The following PTGER3 variants were observed in gnomAD, a reference collection of about 807,000 sequenced individuals.
PTGER3 encodes the protein prostaglandin E receptor 3.
Under a neutral mutation model 34.7 loss-of-function variants are expected in PTGER3, and 22 were observed. That is an observed-to-expected ratio of 0.63 (90% CI 0.45 to 0.91). The LOEUF is 0.91. PTGER3 is among the 40% of genes least tolerant of loss of function. PTGER3 has a pLI of 0.00. For synonymous variants in PTGER3, 241 were observed against 230.1 expected, an observed-to-expected ratio of 1.05 and a Z score of -0.43; for missense variants, 468 against 519.4, an observed-to-expected ratio of 0.90 and a Z score of 0.96.
chr1:71,014,938 T>G (rs1657761487), intron 1 of PTGER3, among the ~76,000 whole-genome samples: 1 of 152,186 alleles, frequency 6.6e-6, no homozygotes, highest in Admixed American at 6.6e-5. Context: ...GAACAGAAAT[T>G]TAACTCTGGT....
chr1:70,901,308 G>C (rs1646834031), intron 4 of PTGER3, among the ~76,000 whole-genome samples: 1 of 152,186 alleles, frequency 6.6e-6, no homozygotes, highest in South Asian at 2.1e-4. Context: ...ATCATCAGCT[G>C]TTATGTGGAG....
rs190346619 is a variant in PTGER3 at position 70,888,689 on chromosome 1, T to C, written c.*24-35830A>G. On this transcript the variant is annotated intron_variant, in intron 4 of 4. Coordinates refer to the PTGER3 transcript ENST00000370931. ...CTCCCATCTCAGGCTTTTAAATTCATCCGAGATGTGAAAAAAAGCACAATC... is the reference window on the plus strand; with the variant it reads ...CTCCCATCTCAGGCTTTTAAATTCACCCGAGATGTGAAAAAAAGCACAATC... Among the ~76,000 whole-genome samples the C allele has an allele frequency of 1.5e-3, 227 of 152,266 alleles. 4 individuals are homozygous for C. Among genetic ancestry groups the C allele is most frequent in the Admixed American group, 0.014 (210 of 15,302 alleles).
chr1:70,960,263 C>T lies in PTGER3; in HGVS notation c.1078-6474G>A, dbSNP rs566372223. Among the ~76,000 whole-genome samples, 20 of 152,260 alleles carry T rather than the reference C, an allele frequency of 1.3e-4. No homozygotes were observed. The South Asian group carries it at 4.1e-3, about 32-fold the overall frequency. ...ATTTCATGATGTCAACCCTAAGAAA[C>T]TAACACTAATACACTTTCTTCACAG... On this transcript the variant is annotated intron_variant, in intron 2 of 3. Transcript: ENST00000356595.
chr1:70,898,306 G>A (rs947312278), intron 4 of PTGER3, among the ~76,000 whole-genome samples: 1 of 151,914 alleles, frequency 6.6e-6, no homozygotes, highest in Non-Finnish European at 1.5e-5. Flanking sequence ...CTTTTCTTTG[G>A]TATTCAGCCA....
intron 2 of PTGER3, chr1:71,011,285 T>C: frequency 1.0e-6 from 1 of 985,100 alleles, no homozygotes; most frequent in South Asian, 4.7e-5. Context: ...CTTATATAAA[T>C]AGGCCAAAAT....
intron 4 of PTGER3, among the ~76,000 whole-genome samples, chr1:70,885,285 A>C (rs1219087824): frequency 6.6e-6 from 1 of 152,114 alleles, no homozygotes; most frequent in African/African-American, 2.4e-5. Context: ...CTCCATCCAT[A>C]AAAAATGTGT....
chr1:71,009,027 A>G, intron 2 of PTGER3: 1 of 984,862 alleles, frequency 1.0e-6, no homozygotes, highest in South Asian at 4.7e-5. Context: ...GTTGATCTCA[A>G]CCAAAAGAAC....
intron 2 of PTGER3, 117 bp downstream of exon 2, chr1:71,012,188 G>T (rs1193585974): frequency 6.3e-7 from 1 of 1,595,926 alleles, no homozygotes; most frequent in Non-Finnish European, 8.5e-7. Flanking sequence ...ACCAAAAGCT[G>T]TGCACATGCA....
intron 2 of PTGER3, among the ~76,000 whole-genome samples, chr1:70,954,300 C>A (rs1339315849): frequency 4.6e-5 from 7 of 152,086 alleles, no homozygotes; most frequent in Admixed American, 6.6e-5. Context: ...GTCCACTAAC[C>A]TAGGAAGGTC....
At chr1:70,964,135 C>G (rs929757011) in intron 2 of PTGER3, among the ~76,000 whole-genome samples, 3 of 152,158 alleles carry the variant, frequency 2.0e-5, no homozygotes, top group Non-Finnish European at 4.4e-5. Context: ...CATTTTGCTC[C>G]AAGCCATTCA....
intron 4 of PTGER3, among the ~76,000 whole-genome samples, chr1:70,867,475 T>TCAAA: frequency 6.6e-6 from 1 of 152,094 alleles, no homozygotes. Context: ...AATCCCAGCA[T>TCAAA]GTTGGGAGGC....
At chr1:70,906,223 C>T (rs540239625) in intron 4 of PTGER3, among the ~76,000 whole-genome samples, 217 of 152,164 alleles carry the variant, frequency 1.4e-3, no homozygotes, top group Non-Finnish European at 2.1e-3. Flanking sequence ...TTATCAGCAG[C>T]GTGAAAGCAG....
intron 4 of PTGER3, among the ~76,000 whole-genome samples, chr1:70,929,529 A>C (rs1053223362): frequency 6.6e-6 from 1 of 152,192 alleles, no homozygotes; most frequent in Non-Finnish European, 1.5e-5. Flanking sequence ...TGTAATACAC[A>C]GCACTCTGTG....
chr1:70,863,360 G>T (rs915861968), intron 4 of PTGER3, among the ~76,000 whole-genome samples: 1 of 152,090 alleles, frequency 6.6e-6, no homozygotes, highest in Non-Finnish European at 1.5e-5. Context: ...TGTATGATTA[G>T]CTTCCCCATT....
intron 4 of PTGER3, among the ~76,000 whole-genome samples, chr1:70,942,252 A>G (rs1034919205): frequency 2.1e-4 from 32 of 152,168 alleles, no homozygotes; most frequent in African/African-American, 6.3e-4. Context: ...TGATCCAGGA[A>G]TCACTTTGTG....
rs145796522 is a variant in PTGER3, at chr1:70,946,848, C to G, written c.*23+6915G>C. Among the ~76,000 whole-genome samples, 34 of 152,250 alleles carry G rather than the reference C, an allele frequency of 2.2e-4. 1 individual carries two copies. In the East Asian group the frequency reaches 6.2e-3, roughly 28 times the overall value. ...TCCAGGAATCAGATATGCATGCTCA[C>G]AGGTCTTATGTTCCCGGTTCTGCTA... On this transcript the variant is annotated intron_variant, in intron 4 of 4. Transcript: ENST00000370931.
In PTGER3 at chr1:70,987,539, T is replaced by C. The variant is rs187974590; in HGVS notation, c.1078-13151A>G. 1.6e-3 allele frequency among the ~76,000 whole-genome samples: 241 copies of C among 152,322 alleles called. 4 individuals carry two copies. The highest frequency in any genetic ancestry group is 5.4e-3 in the African/African-American group (224 of 41,558). On this transcript the variant is annotated intron_variant, in intron 2 of 3. Transcript: ENST00000306666. ...ACTAAGTAGTTCCATGATAAATCGA[T>C]TCTTATTCTCCAAGTAAGAGCTGAT... is the stretch of plus-strand genomic sequence containing the variant.
At chr1:70,929,932 A>G (rs1221348199) in intron 4 of PTGER3, among the ~76,000 whole-genome samples, 3 of 152,208 alleles carry the variant, frequency 2.0e-5, no homozygotes, top group Non-Finnish European at 4.4e-5. Flanking sequence ...CTCAAAAAAT[A>G]TAAGATCTCT....
intron 4 of PTGER3, among the ~76,000 whole-genome samples, chr1:70,884,788 A>T (rs1429781753): frequency 6.6e-6 from 1 of 152,204 alleles, no homozygotes; most frequent in African/African-American, 2.4e-5. Context: ...TACATGTGTA[A>T]TTCTGTTCAC....
Sources: gnomAD v4.1 joint callset for allele counts (sites outside exome capture counted in the v4.1 genomes callset) on GRCh38, gnomAD v4.1.1 for gene constraint, MANE v1.5 for transcripts, NCBI Gene and HGNC (gene_info 2026-07-23, HGNC 2026-07-21) for gene names.